The following RALYL variants were observed in gnomAD, a reference collection of about 807,000 sequenced individuals.
RALYL encodes RNA-binding Raly-like protein.
A neutral mutation model predicts 35.1 loss-of-function variants in RALYL; 29 were observed. The ratio of observed to expected loss-of-function variants is 0.83; its 90% CI spans 0.61 to 1.13. The LOEUF (loss-of-function observed/expected upper bound fraction) is 1.13. Ranked by LOEUF, RALYL falls within the 50% of genes most tolerant of loss-of-function variation. RALYL has a pLI of 0.00. For synonymous variants in RALYL, 120 were observed against 127.6 expected, an observed-to-expected ratio of 0.94 and a Z score of 0.40; for missense variants, 359 against 360.4, an observed-to-expected ratio of 1.00 and a Z score of 0.03.
At position 84,793,094 on chromosome 8, in the gene RALYL, C is replaced by G. The variant is rs117316569; in HGVS notation, c.333-11676C>G. Reference sequence around the variant, plus strand: ...GTGGTGAGTAAAGATATCATATAGGCAATTGAATATCTAATCTGGAGTTCA... The same window carrying G: ...GTGGTGAGTAAAGATATCATATAGGGAATTGAATATCTAATCTGGAGTTCA... On this transcript the variant is annotated intron_variant, in intron 3 of 8. Coordinates refer to ENST00000521268, the MANE Select transcript of RALYL (RefSeq NM_173848.7). Among the ~76,000 whole-genome samples, 47 of 152,224 alleles carry G rather than the reference C, an allele frequency of 3.1e-4. No homozygotes were observed. The East Asian group carries it at 6.4e-3, about 21-fold the overall frequency.
intron 1 of RALYL, among the ~76,000 whole-genome samples, chr8:84,371,972 A>G (rs2131439567): frequency 6.6e-6 from 1 of 151,558 alleles, no homozygotes; most frequent in East Asian, 1.9e-4. Flanking sequence ...AGTTGTGATT[A>G]GCAGAAGAGC....
chr8:84,184,546 T>C (rs1041246702), intron 1 of RALYL, 122 bp downstream of exon 1: 1 of 167,668 alleles, frequency 6.0e-6, no homozygotes, highest in Non-Finnish European at 1.3e-5. Context: ...CTCCGGGCAG[T>C]GTCCGAGCCC....
chr8:84,293,841 G>A (rs561550883), intron 1 of RALYL, among the ~76,000 whole-genome samples: 10 of 152,014 alleles, frequency 6.6e-5, no homozygotes, highest in Non-Finnish European at 1.5e-4. Flanking sequence ...CTCCAAGCAC[G>A]AAACTTTCCT....
At chr8:84,775,187 C>T (rs982274758) in intron 3 of RALYL, among the ~76,000 whole-genome samples, 2 of 152,102 alleles carry the variant, frequency 1.3e-5, no homozygotes, top group Non-Finnish European at 2.9e-5. Context: ...AACTTCTGAC[C>T]TCAGGTGATC....
At chr8:84,622,050 A>T (rs965970778) in intron 2 of RALYL, among the ~76,000 whole-genome samples, 3 of 152,204 alleles carry the variant, frequency 2.0e-5, no homozygotes, top group Admixed American at 1.3e-4. Context: ...TTCAGTTAAA[A>T]CTTTAAATGC....
intron 1 of RALYL, among the ~76,000 whole-genome samples, chr8:84,206,220 A>G (rs1398315171): frequency 2.0e-5 from 3 of 152,184 alleles, no homozygotes; most frequent in African/African-American, 7.2e-5. Flanking sequence ...AAATACTAAG[A>G]GTATAGATCA....
chr8:84,424,242 C>T (rs2046059474), intron 1 of RALYL, among the ~76,000 whole-genome samples: 1 of 148,644 alleles, frequency 6.7e-6, no homozygotes, highest in African/African-American at 2.5e-5. Flanking sequence ...GGAGGCTTTG[C>T]TCATTTGTTT....
At chr8:84,556,335 A>G (rs959913398) in intron 2 of RALYL, among the ~76,000 whole-genome samples, 8 of 152,154 alleles carry the variant, frequency 5.3e-5, no homozygotes, top group Non-Finnish European at 1.2e-4. Flanking sequence ...TACCTAAAAT[A>G]AAGCTGTGAG....
At chr8:84,431,026 C>T (rs1054306354) in intron 1 of RALYL, among the ~76,000 whole-genome samples, 3 of 152,114 alleles carry the variant, frequency 2.0e-5, no homozygotes, top group South Asian at 2.1e-4. Flanking sequence ...TAAAGTAGGG[C>T]ACTAATACCG....
At chr8:84,248,553 G>C (rs139256851) in intron 1 of RALYL, among the ~76,000 whole-genome samples, 3,782 of 152,102 alleles carry the variant, frequency 0.025, 155 homozygotes, top group African/African-American at 0.085. Flanking sequence ...CTGCTTTTGC[G>C]TAATCCTTAG....
chr8:84,635,358 C>G (rs1824836867), intron 2 of RALYL, among the ~76,000 whole-genome samples: 1 of 151,392 alleles, frequency 6.6e-6, no homozygotes, highest in Non-Finnish European at 1.5e-5. Flanking sequence ...TATAGAAGAA[C>G]TATTTCCAGG....
At chr8:84,883,323 T>C (rs943177750) in intron 7 of RALYL, among the ~76,000 whole-genome samples, 9 of 152,022 alleles carry the variant, frequency 5.9e-5, no homozygotes, top group Admixed American at 2.6e-4. Context: ...AGTAACTATG[T>C]CTATGTACTA....
intron 1 of RALYL, among the ~76,000 whole-genome samples, chr8:84,430,145 T>C (rs1471740709): frequency 6.6e-6 from 1 of 152,112 alleles, no homozygotes; most frequent in African/African-American, 2.4e-5. Context: ...TTGCTAGTTA[T>C]ATTAATCATA....
intron 1 of RALYL, among the ~76,000 whole-genome samples, chr8:84,300,601 C>G (rs558231959): frequency 4.7e-4 from 72 of 151,968 alleles, no homozygotes; most frequent in African/African-American, 1.7e-3. Context: ...TAAGAACTTG[C>G]TTTATTAATC....
At chr8:84,368,119 T>A (rs1854881764) in intron 1 of RALYL, among the ~76,000 whole-genome samples, 1 of 152,174 alleles carries the variant, frequency 6.6e-6, no homozygotes, top group South Asian at 2.1e-4. Flanking sequence ...TCTTGATGTA[T>A]TTCACTCTTC....
intron 8 of RALYL, among the ~76,000 whole-genome samples, chr8:84,915,222 C>A (rs888945105): frequency 6.6e-6 from 1 of 152,050 alleles, no homozygotes; most frequent in Admixed American, 6.6e-5. Context: ...CATTTCCATA[C>A]TCTAATGATA....
At chr8:84,367,340 T>TGTTTTG (rs1854642792) in intron 1 of RALYL, among the ~76,000 whole-genome samples, 1 of 66,910 alleles carries the variant, frequency 1.5e-5, no homozygotes, top group Non-Finnish European at 2.6e-5. Context: ...TTTTTTTTTT[T>TGTTTTG]TTTTTTTTTT....
rs989881788 is a variant in RALYL, at chr8:84,419,743, G to T, written c.-23-109556G>T. Among the ~76,000 whole-genome samples, 64 of 128,956 alleles carry T rather than the reference G, an allele frequency of 5.0e-4. 1 individual carries two copies. In the Admixed American group the frequency reaches 5.7e-3, roughly 11 times the overall value. 84.6% of individuals were successfully genotyped at this position (128,956 alleles called of 152,430 possible). ...CCCAGAGTGTGATATTCCCCTTCCT[G>T]TGTCCATGTGATCTCATTGTTCAAT... On this transcript the variant is annotated intron_variant, in intron 1 of 8. Coordinates refer to ENST00000521268, the MANE Select transcript of RALYL (RefSeq NM_173848.7).
intron 1 of RALYL, among the ~76,000 whole-genome samples, chr8:84,193,428 A>G (rs1487126800): frequency 6.6e-6 from 1 of 152,174 alleles, no homozygotes; most frequent in East Asian, 1.9e-4. Context: ...GAGGAAGAGA[A>G]TTGAATCAGT....
Sources: gnomAD v4.1 joint callset for allele counts (sites outside exome capture counted in the v4.1 genomes callset) on GRCh38, gnomAD v4.1.1 for gene constraint, MANE v1.5 for transcripts, NCBI Gene and HGNC (gene_info 2026-07-23, HGNC 2026-07-21) for gene names.